The following FRY variants were observed in gnomAD, a reference collection of about 807,000 sequenced individuals.
FRY encodes the protein protein furry homolog.
A neutral mutation model predicts 348.4 loss-of-function variants in FRY; 128 were observed. The ratio of observed to expected loss-of-function variants is 0.37; its 90% CI spans 0.32 to 0.43. The LOEUF (loss-of-function observed/expected upper bound fraction) is 0.43. FRY is among the 20% of genes least tolerant of loss of function. The probability of loss-of-function intolerance (pLI) is 1.00; values close to 1 mark genes in which losing one functional copy is unlikely to be tolerated. For missense variants in FRY, 2,736 were observed against 3,695.2 expected, an observed-to-expected ratio of 0.74 and a Z score of 6.73; for synonymous variants, 1,370 against 1,374.7, an observed-to-expected ratio of 1.00 and a Z score of 0.08.
intron 20 of FRY, among the ~76,000 whole-genome samples, chr13:32,176,324 G>A (rs1047513165): frequency 1.3e-5 from 2 of 152,322 alleles, no homozygotes; most frequent in Admixed American, 1.3e-4. Context: ...GGGCTAAATA[G>A]CTGAAGGGAG....
chr13:32,240,709 C>T (rs928525108), intron 46 of FRY, among the ~76,000 whole-genome samples: 16 of 152,320 alleles, frequency 1.1e-4, no homozygotes, highest in Middle Eastern at 6.8e-3. Flanking sequence ...GTAATCGCTA[C>T]GTTGTTTTAG....
At chr13:32,189,448 C>T (rs1883206696) in intron 28 of FRY, among the ~76,000 whole-genome samples, 1 of 151,662 alleles carries the variant, frequency 6.6e-6, no homozygotes, top group African/African-American at 2.4e-5. Context: ...ACATCCATCA[C>T]AAGAAGTTAG....
intron 40 of FRY, among the ~76,000 whole-genome samples, chr13:32,229,686 A>G (rs1885805426): frequency 6.6e-6 from 1 of 152,190 alleles, no homozygotes. Flanking sequence ...ACCTGGCTCC[A>G]TTCCATTCTT....
chr13:32,211,554 T>A (rs1884687564), intron 34 of FRY, among the ~76,000 whole-genome samples: 1 of 152,164 alleles, frequency 6.6e-6, no homozygotes, highest in African/African-American at 2.4e-5. Flanking sequence ...GCATCCTCCA[T>A]CACAGAACTT....
intron 1 of FRY, among the ~76,000 whole-genome samples, chr13:32,074,269 A>G (rs1472792938): frequency 1.3e-5 from 2 of 152,232 alleles, no homozygotes; most frequent in Non-Finnish European, 2.9e-5. Context: ...TTGGAATAAA[A>G]ATAACAAAAG....
chr13:32,248,535 A>AG (rs1212825116), intron 48 of FRY, among the ~76,000 whole-genome samples: 2 of 151,914 alleles, frequency 1.3e-5, no homozygotes, highest in African/African-American at 2.4e-5. Context: ...GTATATTAAA[A>AG]AAAAAAGAAA....
At chr13:32,265,967 G>A (rs571314814) in intron 54 of FRY, among the ~76,000 whole-genome samples, 2 of 152,228 alleles carry the variant, frequency 1.3e-5, no homozygotes, top group Admixed American at 1.3e-4. Context: ...TAAAACCCTG[G>A]AACAAGAGGC....
At chr13:32,054,717 C>G (rs140640681) in intron 1 of FRY, among the ~76,000 whole-genome samples, 2 of 152,032 alleles carry the variant, frequency 1.3e-5, no homozygotes, top group African/African-American at 2.4e-5. Flanking sequence ...ACTAAAAATA[C>G]AAAAGAAATT....
intron 11 of FRY, 75 bp from the exon 12 acceptor site, chr13:32,147,207 C>T: frequency 1.1e-6 from 1 of 887,364 alleles, no homozygotes; most frequent in Non-Finnish European, 1.9e-6. Context: ...TCCAGGCCTG[C>T]AGATAAGAGC....
intron 41 of FRY, among the ~76,000 whole-genome samples, chr13:32,233,796 A>G (rs536289619): frequency 1.4e-4 from 21 of 152,242 alleles, no homozygotes; most frequent in Admixed American, 4.6e-4. Flanking sequence ...TTCAGACACT[A>G]TACTAGGCAC....
intron 7 of FRY, among the ~76,000 whole-genome samples, chr13:32,130,452 T>TTGTGTGTGTGTGTG (rs58000380): frequency 0.028 from 3,925 of 141,900 alleles, 104 homozygotes; most frequent in East Asian, 0.043. Flanking sequence ...TGGAAAGTGT[T>TTGTGTGTGTGTGTG]TGTGTGTGTG....
intron 33 of FRY, among the ~76,000 whole-genome samples, chr13:32,210,387 C>CT (rs1884618688): frequency 6.6e-6 from 1 of 152,118 alleles, no homozygotes; most frequent in Non-Finnish European, 1.5e-5. Flanking sequence ...GACTATGAGG[C>CT]CTGCAATAAT....
rs554647845 is a variant in FRY, at chr13:32,142,314, T to C, written c.1180-4968T>C. Among the ~76,000 whole-genome samples, 7 of 152,336 alleles carry C rather than the reference T, an allele frequency of 4.6e-5. No individual in the cohort carries two copies. In the South Asian group the frequency reaches 1.2e-3, roughly 27 times the overall value. On this transcript the variant is annotated intron_variant, in intron 11 of 60. Transcript: ENST00000542859. ...TATTAGCTGTGTGACCTTGGGTAAG[T>C]TATTTGACCTCTCTGTGCCTAGAAT...
Position 32,194,287 on chromosome 13 carries a change from T to C in FRY, c.3736T>C (p.Cys1246Arg). Residue 1246 changes from cysteine (C) to arginine (R), a missense_variant, in exon 29 of 61, where the codon TGT (cysteine) becomes CGT (arginine). Cys to Arg is a radical substitution (Grantham distance 180). Around this residue, in one of 9 missense-constraint regions of FRY, gnomAD observed 794 missense variants for 977.0 expected, o/e 0.81. Coordinates refer to ENST00000542859, the MANE Select transcript of FRY (RefSeq NM_023037.3). ...SGCFKAIATV[C>R]GSRNYPFDIV... ...CTGCTTCAAAGCCATAGCAACTGTG[T>C]GTGGAAGCAGGTACGAATTTTTATA... 1 of 1,614,172 alleles carries C rather than the reference T, an allele frequency of 6.2e-7. No homozygotes were observed. The highest frequency in any genetic ancestry group is 8.5e-7 in the Non-Finnish European group (1 of 1,179,982).
At chr13:32,090,981 TAGCATAGGGTACTGGGC>T (rs1876263374) in intron 2 of FRY, among the ~76,000 whole-genome samples, 4 of 152,222 alleles carry the variant, frequency 2.6e-5, no homozygotes, top group African/African-American at 9.6e-5. Flanking sequence ...TCAGTTTTCA[TAGCATAGGGTACTGGGC>T]AGCATCTTAC....
chr13:32,128,201 C>T (rs918321365), intron 7 of FRY, among the ~76,000 whole-genome samples: 1 of 152,180 alleles, frequency 6.6e-6, no homozygotes. Context: ...CCTCTGCTCA[C>T]CTGTACCCCA....
At chr13:32,247,854 C>T (rs1243070226) in intron 48 of FRY, among the ~76,000 whole-genome samples, 2 of 152,200 alleles carry the variant, frequency 1.3e-5, no homozygotes, top group Non-Finnish European at 2.9e-5. Flanking sequence ...CCCTGAATGA[C>T]AGCCAGTTCA....
chr13:32,228,553 C>T lies in FRY; in HGVS notation c.5304C>T (p.Ser1768=). Residue 1768 remains serine (S), a synonymous_variant, in exon 40 of 61, where the codon AGC becomes AGT. Coordinates refer to ENST00000542859, the MANE Select transcript of FRY (RefSeq NM_023037.3). ...STSSSISLGG[S]SGNLPQMTQE... ...CCTCTAGCATCAGTCTGGGAGGCAG[C>T]AGTGGAAACCTCCCACAGATGACCC... is the stretch of plus-strand genomic sequence containing the variant. 6.2e-7 allele frequency: 1 copy of T among 1,613,864 alleles called. No individual in the cohort carries two copies. The highest frequency in any genetic ancestry group is 8.5e-7 in the Non-Finnish European group (1 of 1,179,800).
rs1002066881 is a variant in FRY, at chr13:32,064,058, A to T, written c.71-14776A>T. On this transcript the variant is annotated intron_variant, in intron 1 of 60. Transcript: ENST00000542859. Reference sequence around the variant, plus strand: ...AAAGCAAATTCCTTGCCCTTGTTGCAGTTAAGTGTAGTGGGGGAGACAGAT... The same window carrying T: ...AAAGCAAATTCCTTGCCCTTGTTGCTGTTAAGTGTAGTGGGGGAGACAGAT... Among the ~76,000 whole-genome samples, 3 of 152,194 alleles carry T rather than the reference A, an allele frequency of 2.0e-5. No individual in the cohort carries two copies. The South Asian group carries it at 6.2e-4, about 32-fold the overall frequency.
Sources: allele counts gnomAD v4.1 joint callset (sites outside exome capture counted in the v4.1 genomes callset), GRCh38; gene constraint gnomAD v4.1.1; regional missense constraint gnomAD v4.1.1; transcripts MANE v1.5; gene names NCBI Gene and HGNC (gene_info 2026-07-23, HGNC 2026-07-21).